The following MAPK10 variants were observed in gnomAD, a reference collection of about 807,000 sequenced individuals.
The protein encoded by MAPK10 is JNK3 alpha protein kinase.
MAPK10 carries 25 observed loss-of-function variants against 59.3 expected under a neutral mutation model. That is an observed-to-expected ratio of 0.42 (90% CI 0.31 to 0.59). The LOEUF (loss-of-function observed/expected upper bound fraction) is 0.59, where lower values mean the gene tolerates loss of function less well. MAPK10 is among the 20% of genes least tolerant of loss of function. The pLI is 0.15. For synonymous variants in MAPK10, 190 were observed against 200.5 expected, an observed-to-expected ratio of 0.95 and a Z score of 0.44; for missense variants, 351 against 568.9, an observed-to-expected ratio of 0.62 and a Z score of 3.90.
At chr4:86,270,862 A>G (rs561118030) in intron 2 of MAPK10, among the ~76,000 whole-genome samples, 2 of 152,214 alleles carry the variant, frequency 1.3e-5, no homozygotes, top group East Asian at 1.9e-4. Flanking sequence ...TAGTTGATGA[A>G]ATATTTTTTA....
chr4:86,436,650 G>A (rs1036453192), intron 1 of MAPK10, among the ~76,000 whole-genome samples: 4 of 152,044 alleles, frequency 2.6e-5, no homozygotes, highest in Non-Finnish European at 4.4e-5. Context: ...CTAAAATTTA[G>A]TTGTGGGAGC....
chr4:86,511,702 G>A (rs149468979), intron 1 of MAPK10, among the ~76,000 whole-genome samples: 2 of 134,498 alleles, frequency 1.5e-5, no homozygotes, highest in South Asian at 2.3e-4. Flanking sequence ...GAAGAAGAAG[G>A]AGGAGGAGGA....
At chr4:86,037,967 A>T (rs1264719734) in intron 11 of MAPK10, among the ~76,000 whole-genome samples, 1 of 152,256 alleles carries the variant, frequency 6.6e-6, no homozygotes, top group African/African-American at 2.4e-5. Flanking sequence ...GTCAGTCTAC[A>T]CTTACAGCTA....
intron 9 of MAPK10, among the ~76,000 whole-genome samples, chr4:86,083,335 C>T (rs1342607574): frequency 2.0e-5 from 3 of 152,072 alleles, no homozygotes; most frequent in Non-Finnish European, 2.9e-5. Flanking sequence ...TAATTGCCAG[C>T]GCCACCCCTT....
intron 2 of MAPK10, among the ~76,000 whole-genome samples, chr4:86,208,085 G>A (rs1485750631): frequency 6.6e-6 from 1 of 152,094 alleles, no homozygotes; most frequent in Non-Finnish European, 1.5e-5. Flanking sequence ...ATCTGAAATT[G>A]TGGCAATCAT....
chr4:86,128,559 C>T (rs992047266), intron 4 of MAPK10, among the ~76,000 whole-genome samples: 3 of 152,080 alleles, frequency 2.0e-5, no homozygotes, highest in Non-Finnish European at 4.4e-5. Context: ...CTGAAGGCCT[C>T]CCCAGCCATC....
intron 1 of MAPK10, among the ~76,000 whole-genome samples, chr4:86,376,931 G>A (rs1739910199): frequency 6.6e-6 from 1 of 152,130 alleles, no homozygotes; most frequent in Non-Finnish European, 1.5e-5. Context: ...GTCTCCCCAT[G>A]GATCCCTCCT....
intron 1 of MAPK10, among the ~76,000 whole-genome samples, chr4:86,494,750 G>A (rs1754732768): frequency 6.8e-6 from 1 of 148,052 alleles, no homozygotes; most frequent in African/African-American, 2.5e-5. Context: ...GGCTGAGGCA[G>A]GAGAATGGCG....
chr4:86,435,119 C>T (rs953946258), intron 1 of MAPK10, among the ~76,000 whole-genome samples: 1 of 151,874 alleles, frequency 6.6e-6, no homozygotes, highest in African/African-American at 2.4e-5. Flanking sequence ...TTGGTGCTTA[C>T]CAGAGGCCAG....
intron 1 of MAPK10, among the ~76,000 whole-genome samples, chr4:86,506,779 C>T (rs150045565): frequency 5.9e-5 from 9 of 152,230 alleles, no homozygotes; most frequent in Non-Finnish European, 8.8e-5. Flanking sequence ...CCAACCACAA[C>T]AATCAAGGTC....
chr4:86,403,466 A>G (rs1743971500), intron 1 of MAPK10, among the ~76,000 whole-genome samples: 1 of 152,108 alleles, frequency 6.6e-6, no homozygotes, highest in Non-Finnish European at 1.5e-5. Flanking sequence ...CAGTGAGTTA[A>G]GATTGTACAA....
intron 4 of MAPK10, among the ~76,000 whole-genome samples, chr4:86,135,904 C>T (rs551911249): frequency 2.0e-5 from 3 of 152,018 alleles, no homozygotes; most frequent in Non-Finnish European, 4.4e-5. Context: ...GCCTCAGGAG[C>T]CGATACGATC....
intron 3 of MAPK10, among the ~76,000 whole-genome samples, chr4:86,180,971 A>G (rs1487289823): frequency 6.6e-6 from 1 of 152,082 alleles, no homozygotes; most frequent in Non-Finnish European, 1.5e-5. Context: ...ATAAATTTCA[A>G]ATAGTTAGAA....
intron 1 of MAPK10, among the ~76,000 whole-genome samples, chr4:86,579,503 A>G (rs2149111587): frequency 7.1e-6 from 1 of 140,782 alleles, no homozygotes; most frequent in South Asian, 2.3e-4. Context: ...ACAAGCAAAT[A>G]TGGATATGTG....
chr4:86,470,720 G>C (rs1249534258), intron 1 of MAPK10, among the ~76,000 whole-genome samples: 1 of 151,496 alleles, frequency 6.6e-6, no homozygotes, highest in Non-Finnish European at 1.5e-5. Context: ...AATACCAAGG[G>C]AAAGAATTGA....
intron 2 of MAPK10, among the ~76,000 whole-genome samples, chr4:86,263,384 G>A (rs2094096348): frequency 6.6e-6 from 1 of 152,086 alleles, no homozygotes; most frequent in Admixed American, 6.5e-5. Context: ...CACCAGCCAT[G>A]ACCCACCATT....
At chr4:86,584,268 A>G (rs967892355) in intron 1 of MAPK10, among the ~76,000 whole-genome samples, 1 of 152,178 alleles carries the variant, frequency 6.6e-6, no homozygotes, top group East Asian at 1.9e-4. Context: ...CAACATCAAG[A>G]TTAATTCTGT....
intron 1 of MAPK10, among the ~76,000 whole-genome samples, chr4:86,588,887 T>C (rs1197635168): frequency 6.6e-6 from 1 of 152,226 alleles, no homozygotes; most frequent in East Asian, 1.9e-4. Flanking sequence ...TAGTATGTTA[T>C]GACTCAGATT....
At chr4:86,226,311 CA>C (rs1462837316) in intron 2 of MAPK10, among the ~76,000 whole-genome samples, 5 of 152,194 alleles carry the variant, frequency 3.3e-5, no homozygotes, top group African/African-American at 1.2e-4. Flanking sequence ...CATTTAAAGC[CA>C]GACTTTACCC....
Sources: gnomAD v4.1 joint callset for allele counts (sites outside exome capture counted in the v4.1 genomes callset) on GRCh38, gnomAD v4.1.1 for gene constraint, MANE v1.5 for transcripts, NCBI Gene and HGNC (gene_info 2026-07-23, HGNC 2026-07-21) for gene names.